LRRTM4: variants seen among roughly 807,000 people sequenced by gnomAD.
LRRTM4 encodes leucine rich repeat transmembrane neuronal 4.
Under a neutral mutation model 47.6 loss-of-function variants are expected in LRRTM4, and 25 were observed. The ratio of observed to expected loss-of-function variants is 0.53; its 90% CI spans 0.38 to 0.73. The LOEUF (loss-of-function observed/expected upper bound fraction) is 0.73. LRRTM4 is among the 30% of genes least tolerant of loss of function. The pLI is 0.00. For synonymous variants in LRRTM4, 311 were observed against 269.5 expected, an observed-to-expected ratio of 1.15 and a Z score of -1.51; for missense variants, 638 against 713.4, an observed-to-expected ratio of 0.89 and a Z score of 1.20.
In LRRTM4 at chr2:76,933,422, G is replaced by C. The variant is rs949463696; in HGVS notation, c.1552-184506C>G. 6.6e-5 allele frequency among the ~76,000 whole-genome samples: 10 copies of C among 151,706 alleles called. No individual in the cohort carries two copies. The East Asian group carries it at 1.9e-3, about 29-fold the overall frequency. ...GCCTGCAGAGGTATATTTTTTTTTAGCATTGCTGTAAGGATCAAATTTTAC... is the reference window on the plus strand; with the variant it reads ...GCCTGCAGAGGTATATTTTTTTTTACCATTGCTGTAAGGATCAAATTTTAC... On this transcript the variant is annotated intron_variant, in intron 3 of 3. Transcript: ENST00000409884.
rs180988841 is a variant in LRRTM4 at position 76,830,610 on chromosome 2, G to A, written c.1552-81694C>T. Among the ~76,000 whole-genome samples, 43 of 151,046 alleles carry A rather than the reference G, an allele frequency of 2.8e-4. No homozygotes were observed. In the South Asian group the frequency reaches 2.9e-3, roughly 10 times the overall value. The stretch of plus-strand genomic sequence containing the variant: ...GGAAGTAGAATATTTGCATCTTTTA[G>A]TTTCTGAAATTTTAAGATTTTATAT... On this transcript the variant is annotated intron_variant, in intron 3 of 3. Transcript: ENST00000409884.
At chr2:77,022,252 A>G (rs1171340372) in intron 3 of LRRTM4, among the ~76,000 whole-genome samples, 3 of 152,170 alleles carry the variant, frequency 2.0e-5, no homozygotes, top group Non-Finnish European at 4.4e-5. Flanking sequence ...AACCTCCTCC[A>G]TGATTCAAAT....
chr2:76,901,601 T>A lies in LRRTM4; in HGVS notation c.1552-152685A>T, dbSNP rs532023701. On this transcript the variant is annotated intron_variant, in intron 3 of 3. Coordinates refer to ENST00000409884, the MANE Select transcript of LRRTM4 (RefSeq NM_001134745.3). Reference sequence around the variant, plus strand: ...TATCTCTAAGCACTGTAAAAAAAAATTTTTAAAGACTTTTCTGTTTAATTG... The same window carrying A: ...TATCTCTAAGCACTGTAAAAAAAAAATTTTAAAGACTTTTCTGTTTAATTG... Among the ~76,000 whole-genome samples, 233 of 152,056 alleles carry A rather than the reference T, an allele frequency of 1.5e-3. 6 individuals are homozygous for A. The highest frequency in any genetic ancestry group is 1.1e-3 in the Non-Finnish European group (75 of 67,984).
At chr2:76,914,112 A>G (rs1400265673) in intron 3 of LRRTM4, among the ~76,000 whole-genome samples, 1 of 151,946 alleles carries the variant, frequency 6.6e-6, no homozygotes, top group African/African-American at 2.4e-5. Flanking sequence ...AGTCTTAGAC[A>G]ACTTTAAACT....
intron 3 of LRRTM4, among the ~76,000 whole-genome samples, chr2:76,990,555 G>A (rs549655111): frequency 1.3e-5 from 2 of 151,666 alleles, no homozygotes; most frequent in East Asian, 3.9e-4. Flanking sequence ...GAAAAGAATG[G>A]GCATTACATA....
At chr2:77,246,899 T>G (rs1380672718) in intron 3 of LRRTM4, among the ~76,000 whole-genome samples, 1 of 152,078 alleles carries the variant, frequency 6.6e-6, no homozygotes, top group African/African-American at 2.4e-5. Flanking sequence ...ATCTTTTTTA[T>G]CAAGCAAAAT....
intron 3 of LRRTM4, among the ~76,000 whole-genome samples, chr2:77,023,138 T>A (rs28896632): frequency 1.3e-5 from 2 of 152,212 alleles, no homozygotes; most frequent in South Asian, 2.1e-4. Flanking sequence ...CTGCCAGGGC[T>A]TGGGGTTTGC....
At chr2:76,761,159 G>A (rs1018424535) in intron 3 of LRRTM4, among the ~76,000 whole-genome samples, 2 of 152,212 alleles carry the variant, frequency 1.3e-5, no homozygotes, top group Non-Finnish European at 2.9e-5. Context: ...TACACAGTAT[G>A]ATTTAACTAA....
In LRRTM4 at chr2:76,807,463, T is replaced by C. The variant is rs1187928499; in HGVS notation, c.1552-58547A>G. Among the ~76,000 whole-genome samples, 735 of 99,492 alleles carry C rather than the reference T, an allele frequency of 7.4e-3. 16 individuals are homozygous for C. Among genetic ancestry groups the C allele is most frequent in the African/African-American group, 0.037 (700 of 19,000 alleles). 65.3% of individuals were successfully genotyped at this position (99,492 alleles called of 152,430 possible). On this transcript the variant is annotated intron_variant, in intron 3 of 3. Transcript: ENST00000409884. ...GTATATACATATATATATATACATA[T>C]ATATATACATATATATATATATACA...
At chr2:77,393,376 T>A (rs149414323) in intron 3 of LRRTM4, among the ~76,000 whole-genome samples, 1 of 152,026 alleles carries the variant, frequency 6.6e-6, no homozygotes, top group Non-Finnish European at 1.5e-5. Context: ...TGGAACACTA[T>A]GGGAAAACAT....
rs569007399 is a variant in LRRTM4, at chr2:77,260,900, C to A, written c.1551+257418G>T. Among the ~76,000 whole-genome samples the A allele has an allele frequency of 2.6e-5, 4 of 152,130 alleles. 1 individual carries two copies. The Middle Eastern group carries it at 0.014, about 517-fold the overall frequency. On this transcript the variant is annotated intron_variant, in intron 3 of 3. Coordinates refer to ENST00000409884, the MANE Select transcript of LRRTM4 (RefSeq NM_001134745.3). ...TAGAGTAATGATTCCAGGAGATGAACCATAGGATAACTTGTGCTAAGGCAA... is the reference window on the plus strand; with the variant it reads ...TAGAGTAATGATTCCAGGAGATGAAACATAGGATAACTTGTGCTAAGGCAA...
chr2:76,881,468 CT>C (rs74263980), intron 3 of LRRTM4, among the ~76,000 whole-genome samples: 23,639 of 136,474 alleles, frequency 0.17, 1,791 homozygotes, highest in Admixed American at 0.23. Context: ...TTGCTAAAGA[CT>C]TTTTTTTTTT....
rs532750927 is a variant in LRRTM4, at chr2:77,369,672, A to G, written c.1551+148646T>C. On this transcript the variant is annotated intron_variant, in intron 3 of 3. Coordinates refer to ENST00000409884, the MANE Select transcript of LRRTM4 (RefSeq NM_001134745.3). ...GTTCTCAAAAATGCATCGTTAGGCA[A>G]TTTCATCTTTCTGTAAATATCATAG... 1.2e-4 allele frequency among the ~76,000 whole-genome samples: 18 copies of G among 151,784 alleles called. 2 individuals carry two copies. In the South Asian group the frequency reaches 3.7e-3, roughly 31 times the overall value.
In LRRTM4 at chr2:77,487,381, G is replaced by A. The variant is rs570931652; in HGVS notation, c.1551+30937C>T. Among the ~76,000 whole-genome samples the A allele has an allele frequency of 2.0e-5, 3 of 152,320 alleles. No homozygotes were observed. In the East Asian group the frequency reaches 5.8e-4, roughly 29 times the overall value. On this transcript the variant is annotated intron_variant, in intron 3 of 3. Coordinates refer to ENST00000409884, the MANE Select transcript of LRRTM4 (RefSeq NM_001134745.3). ...ACTCCGATTTCAGAGTAAAGTTGTG[G>A]CCGACTGGGCACTGTCATGATCCGG...
At chr2:77,084,388 A>T (rs1680639978) in intron 3 of LRRTM4, among the ~76,000 whole-genome samples, 1 of 152,196 alleles carries the variant, frequency 6.6e-6, no homozygotes, top group South Asian at 2.1e-4. Context: ...TTGTGAACAG[A>T]GATTTTATAG....
At chr2:77,055,179 G>A (rs1419485771) in intron 3 of LRRTM4, among the ~76,000 whole-genome samples, 2 of 151,094 alleles carry the variant, frequency 1.3e-5, no homozygotes. Context: ...ATGACAGCCT[G>A]CCCTGCTGCT....
At chr2:76,927,440 G>A (rs1056759390) in intron 3 of LRRTM4, among the ~76,000 whole-genome samples, 1 of 152,214 alleles carries the variant, frequency 6.6e-6, no homozygotes, top group East Asian at 1.9e-4. Flanking sequence ...GGTCAAGTGT[G>A]AGAGATAATA....
chr2:77,282,708 AT>A (rs1162261834), intron 3 of LRRTM4, among the ~76,000 whole-genome samples: 1 of 151,894 alleles, frequency 6.6e-6, no homozygotes, highest in African/African-American at 2.4e-5. Context: ...CAACCATCTA[AT>A]TTTTTACAAA....
chr2:77,152,714 T>G (rs72807284), intron 3 of LRRTM4, among the ~76,000 whole-genome samples: 2 of 152,212 alleles, frequency 1.3e-5, no homozygotes, highest in Admixed American at 6.5e-5. Context: ...AATGAGCGAA[T>G]ACCTGAGAAG....
Sources: gnomAD v4.1 joint callset for allele counts (sites outside exome capture counted in the v4.1 genomes callset) on GRCh38, gnomAD v4.1.1 for gene constraint, MANE v1.5 for transcripts, NCBI Gene and HGNC (gene_info 2026-07-23, HGNC 2026-07-21) for gene names.